TSPAN5: variants seen among roughly 807,000 people sequenced by gnomAD.
TSPAN5 encodes the protein tetraspanin 5.
In TSPAN5, 10 loss-of-function variants were observed where a neutral mutation model predicts 37.1. The observed-to-expected ratio is 0.27, with a 90% confidence interval of 0.17 to 0.46. TSPAN5 has a LOEUF of 0.46. TSPAN5 is among the 20% of genes least tolerant of loss of function. The probability of loss-of-function intolerance (pLI) is 1.00; values close to 1 mark genes in which losing one functional copy is unlikely to be tolerated. For missense variants in TSPAN5, 195 were observed against 326.6 expected (o/e 0.60, Z 3.11); for synonymous variants, 110 against 118.9 (o/e 0.93, Z 0.48).
intron 1 of TSPAN5, among the ~76,000 whole-genome samples, chr4:98,604,739 GGA>G (rs1426846239): frequency 6.6e-6 from 1 of 152,130 alleles, no homozygotes; most frequent in Non-Finnish European, 1.5e-5. Context: ...CCAAAAAGAG[GGA>G]GAGAGAAAAG....
intron 1 of TSPAN5, among the ~76,000 whole-genome samples, chr4:98,610,548 T>C (rs2110233667): frequency 6.6e-6 from 1 of 152,336 alleles, no homozygotes; most frequent in East Asian, 1.9e-4. Context: ...GGGCTGGCCC[T>C]GGCCATCTTA....
Position 98,658,126 on chromosome 4 carries a change from C to T in TSPAN5, c.81+20G>A, listed in dbSNP as rs1757330334. On this transcript the variant is annotated intron_variant, in intron 1 of 7. Coordinates refer to ENST00000305798, the MANE Select transcript of TSPAN5 (RefSeq NM_005723.4). The stretch of plus-strand genomic sequence containing the variant: ...TCGATCGGCCACAATAGTTGGAATC[C>T]CAGGAGCGCTCCAACTTACCCAAAA... 6.2e-7 allele frequency: 1 copy of T among 1,605,906 alleles called. No individual in the cohort carries two copies. The highest frequency in any genetic ancestry group is 8.5e-7 in the Non-Finnish European group (1 of 1,172,560).
intron 1 of TSPAN5, among the ~76,000 whole-genome samples, chr4:98,586,229 C>T (rs9998627): frequency 0.018 from 2,780 of 152,236 alleles, 80 homozygotes; most frequent in African/African-American, 0.064. Context: ...GGTAAAATCC[C>T]TTCCAATTAG....
intron 1 of TSPAN5, among the ~76,000 whole-genome samples, chr4:98,630,761 T>C (rs1756727344): frequency 6.6e-6 from 1 of 152,202 alleles, no homozygotes; most frequent in African/African-American, 2.4e-5. Context: ...GACAGCTATT[T>C]ATTACTCTGA....
At chr4:98,576,811 A>G (rs1755247741) in intron 1 of TSPAN5, among the ~76,000 whole-genome samples, 1 of 152,184 alleles carries the variant, frequency 6.6e-6, no homozygotes, top group African/African-American at 2.4e-5. Flanking sequence ...CCAGGCTGGA[A>G]TGCAGTGGTG....
chr4:98,627,990 C>A (rs994133054), intron 1 of TSPAN5, among the ~76,000 whole-genome samples: 23 of 152,162 alleles, frequency 1.5e-4, no homozygotes, highest in African/African-American at 5.5e-4. Flanking sequence ...AAGGACTGAA[C>A]ACTCATCCAA....
At chr4:98,490,616 G>T (rs1392369698) in intron 2 of TSPAN5, among the ~76,000 whole-genome samples, 1 of 152,132 alleles carries the variant, frequency 6.6e-6, no homozygotes, top group Non-Finnish European at 1.5e-5. Context: ...AGACTACCAA[G>T]AACTTTATTT....
intron 1 of TSPAN5, among the ~76,000 whole-genome samples, chr4:98,541,187 A>G (rs1031674670): frequency 6.6e-6 from 1 of 152,010 alleles, no homozygotes; most frequent in Non-Finnish European, 1.5e-5. Flanking sequence ...ACATCGCTAG[A>G]CCCTTTCTAG....
chr4:98,502,950 T>C (rs893016735), intron 2 of TSPAN5, among the ~76,000 whole-genome samples: 2 of 151,646 alleles, frequency 1.3e-5, no homozygotes, highest in African/African-American at 4.8e-5. Context: ...AATCAGAATT[T>C]TCCCAGGTGG....
rs368667178 is a variant in TSPAN5 at position 98,542,572 on chromosome 4, C to A, written c.82-34844G>T. 9.3e-4 allele frequency among the ~76,000 whole-genome samples: 141 copies of A among 152,100 alleles called. 1 individual carries two copies. The highest frequency in any genetic ancestry group is 3.2e-3 in the African/African-American group (133 of 41,510). On this transcript the variant is annotated intron_variant, in intron 1 of 7. Coordinates refer to ENST00000305798, the MANE Select transcript of TSPAN5 (RefSeq NM_005723.4). ...TTCTCTACAAAAAGACTTAAAAATT[C>A]GCCAGGCACAGTGGTACATGCCTAT...
intron 1 of TSPAN5, among the ~76,000 whole-genome samples, chr4:98,566,324 T>C (rs547602966): frequency 6.7e-6 from 1 of 150,186 alleles, no homozygotes; most frequent in South Asian, 2.1e-4. Flanking sequence ...AATCTCTAGC[T>C]TGGCTTGTAA....
intron 1 of TSPAN5, among the ~76,000 whole-genome samples, chr4:98,656,509 C>G (rs1225928062): frequency 6.6e-6 from 1 of 152,192 alleles, no homozygotes; most frequent in Admixed American, 6.5e-5. Flanking sequence ...TGGCTACCCA[C>G]CACTTTTAAA....
At chr4:98,539,934 A>C (rs2110139905) in intron 1 of TSPAN5, among the ~76,000 whole-genome samples, 1 of 152,246 alleles carries the variant, frequency 6.6e-6, no homozygotes, top group East Asian at 1.9e-4. Flanking sequence ...GGGCAGCTCC[A>C]TGAGGCGGCC....
rs1340619308 is a variant in TSPAN5, at chr4:98,472,522, C to T, written c.807G>A (p.Ter269=). ...SDIEAVRASW[*] ...TCTTGCAGCAGCGGTTGCAGGGGGT[C>T]TACCAGCTCGCCCTGACAGCTTCGA... is the stretch of plus-strand genomic sequence containing the variant. Residue 269 remains the stop codon, a stop_retained_variant, in exon 8 of 8, where the codon TAG becomes TAA. Coordinates refer to ENST00000305798, the MANE Select transcript of TSPAN5 (RefSeq NM_005723.4). 4 of 1,613,948 alleles carry T rather than the reference C, an allele frequency of 2.5e-6. No individual in the cohort carries two copies. Among genetic ancestry groups the T allele is most frequent in the Non-Finnish European group, 2.5e-6 (3 of 1,179,944 alleles).
chr4:98,652,269 A>G (rs1258758606), intron 1 of TSPAN5, among the ~76,000 whole-genome samples: 1 of 152,200 alleles, frequency 6.6e-6, no homozygotes, highest in Non-Finnish European at 1.5e-5. Flanking sequence ...GTGGAGTATG[A>G]TTTATTTGGA....
At chr4:98,586,839 G>A (rs1755499567) in intron 1 of TSPAN5, among the ~76,000 whole-genome samples, 1 of 152,228 alleles carries the variant, frequency 6.6e-6, no homozygotes, top group East Asian at 1.9e-4. Flanking sequence ...CACAGTGAGA[G>A]TTAGAGTTCC....
intron 7 of TSPAN5, among the ~76,000 whole-genome samples, chr4:98,475,179 C>G (rs953376600): frequency 2.6e-5 from 4 of 152,136 alleles, no homozygotes; most frequent in Admixed American, 2.0e-4. Flanking sequence ...ATTTTAGGAT[C>G]AGCTTGTCCA....
intron 1 of TSPAN5, among the ~76,000 whole-genome samples, chr4:98,533,543 C>CTTTTTTTGTTTTT (rs1754150083): frequency 1.7e-5 from 1 of 58,580 alleles, no homozygotes; most frequent in Non-Finnish European, 2.7e-5. Context: ...TCCCCTATAT[C>CTTTTTTTGTTTTT]TTTTTTTTTT....
At chr4:98,547,188 G>T (rs571451727) in intron 1 of TSPAN5, among the ~76,000 whole-genome samples, 1 of 152,344 alleles carries the variant, frequency 6.6e-6, no homozygotes, top group African/African-American at 2.4e-5. Flanking sequence ...AACATCCCAC[G>T]CGGTGCTCCC....
Sources: allele counts gnomAD v4.1 joint callset (sites outside exome capture counted in the v4.1 genomes callset), GRCh38; gene constraint gnomAD v4.1.1; transcripts MANE v1.5; gene names NCBI Gene and HGNC (gene_info 2026-07-23, HGNC 2026-07-21).